The following RAPGEF4 variants were observed in gnomAD, a reference collection of about 807,000 sequenced individuals.
RAPGEF4 encodes RAP guanine-nucleotide-exchange factor (GEF) 4.
Under a neutral mutation model 147.9 loss-of-function variants are expected in RAPGEF4, and 66 were observed. The observed-to-expected ratio is 0.45, with a 90% confidence interval of 0.37 to 0.55. The LOEUF (loss-of-function observed/expected upper bound fraction) is 0.55. Among genes scored for constraint, RAPGEF4 ranks in the 20% least tolerant of loss-of-function variants. The pLI is 0.00. For synonymous variants in RAPGEF4, 419 were observed against 442.7 expected (o/e 0.95, Z 0.67); for missense variants, 1,071 against 1,257.3 (o/e 0.85, Z 2.24).
intron 4 of RAPGEF4, among the ~76,000 whole-genome samples, chr2:172,882,510 C>T (rs1025366944): frequency 2.6e-5 from 4 of 152,112 alleles, no homozygotes; most frequent in Admixed American, 6.6e-5. Flanking sequence ...CAAAGAAGTT[C>T]AAAATGCACT....
At chr2:172,925,367 G>A (rs1685182359) in intron 6 of RAPGEF4, among the ~76,000 whole-genome samples, 1 of 152,098 alleles carries the variant, frequency 6.6e-6, no homozygotes, top group East Asian at 1.9e-4. Context: ...TCAGACTCAG[G>A]CTTACCTTGC....
intron 4 of RAPGEF4, among the ~76,000 whole-genome samples, chr2:172,879,432 G>A (rs1290188495): frequency 1.3e-5 from 2 of 152,068 alleles, no homozygotes; most frequent in African/African-American, 4.8e-5. Context: ...ATACCAAACC[G>A]TTGACAGTGC....
chr2:172,791,608 T>C (rs1685832493), intron 1 of RAPGEF4, among the ~76,000 whole-genome samples: 1 of 152,222 alleles, frequency 6.6e-6, no homozygotes, highest in Non-Finnish European at 1.5e-5. Context: ...TTGCTTTTCA[T>C]TGTTTCTGAG....
chr2:173,020,342 G>A (rs1294180222), intron 22 of RAPGEF4, among the ~76,000 whole-genome samples: 2 of 152,094 alleles, frequency 1.3e-5, no homozygotes, highest in African/African-American at 2.4e-5. Context: ...CGGGTTTTAT[G>A]TGCTCAGTAA....
At chr2:172,866,842 C>T (rs1231069197) in intron 4 of RAPGEF4, among the ~76,000 whole-genome samples, 1 of 151,990 alleles carries the variant, frequency 6.6e-6, no homozygotes, top group Non-Finnish European at 1.5e-5. Flanking sequence ...TTAAAATCTT[C>T]TTACATTCTT....
At chr2:172,878,246 A>C (rs1696188388) in intron 4 of RAPGEF4, among the ~76,000 whole-genome samples, 1 of 151,996 alleles carries the variant, frequency 6.6e-6, no homozygotes, top group African/African-American at 2.4e-5. Flanking sequence ...CACATTTTCT[A>C]TTGACAAGGT....
At chr2:172,917,478 G>A (rs776952750) in intron 4 of RAPGEF4, 6 of 610,994 alleles carry the variant, frequency 9.8e-6, no homozygotes, top group East Asian at 7.4e-5. Context: ...TCTACAAAAA[G>A]CTGAGCTTGT....
At position 172,831,266 on chromosome 2, in the gene RAPGEF4, C is replaced by CTTTTTTTTT. The variant is rs71018521; in HGVS notation, c.444+16852_444+16860dup. Among the ~76,000 whole-genome samples, 46 of 53,874 alleles carry CTTTTTTTTT rather than the reference C, an allele frequency of 8.5e-4. 2 individuals are homozygous for CTTTTTTTTT. The highest frequency in any genetic ancestry group is 1.4e-3 in the Non-Finnish European group (38 of 28,084). The allele number at this position is 53,874 out of a possible 152,430, so 35.3% of individuals were successfully genotyped here. On this transcript the variant is annotated intron_variant, in intron 4 of 30. Coordinates refer to ENST00000397081, the MANE Select transcript of RAPGEF4 (RefSeq NM_007023.4). The stretch of plus-strand genomic sequence containing the variant: ...AAATGTGACTGTTTCAGATAGAAAA[C>CTTTTTTTTT]TTTTTTTTTTTTTTTTTTTGAGACA...
intron 4 of RAPGEF4, among the ~76,000 whole-genome samples, chr2:172,845,144 G>C (rs1342706550): frequency 6.6e-6 from 1 of 152,210 alleles, no homozygotes; most frequent in Non-Finnish European, 1.5e-5. Flanking sequence ...TTTGCAATAG[G>C]GATCATGTGG....
chr2:172,777,892 AT>A (rs1574803110), intron 1 of RAPGEF4, among the ~76,000 whole-genome samples: 1 of 152,160 alleles, frequency 6.6e-6, no homozygotes, highest in East Asian at 1.9e-4. Flanking sequence ...CAATTTTATA[AT>A]TGTTTTCTGT....
At chr2:172,984,923 A>G (rs1375685804) in intron 11 of RAPGEF4, among the ~76,000 whole-genome samples, 3 of 152,086 alleles carry the variant, frequency 2.0e-5, no homozygotes, top group Non-Finnish European at 2.9e-5. Flanking sequence ...ATTTTTTTTT[A>G]AATGTGAATT....
chr2:172,923,806 A>AT (rs1279766013), intron 6 of RAPGEF4, among the ~76,000 whole-genome samples: 1 of 152,194 alleles, frequency 6.6e-6, no homozygotes, highest in African/African-American at 2.4e-5. Context: ...CTCAGTAAAC[A>AT]TTGGGGCTAT....
chr2:172,873,892 T>C (rs1695542807), intron 4 of RAPGEF4, among the ~76,000 whole-genome samples: 1 of 152,166 alleles, frequency 6.6e-6, no homozygotes, highest in African/African-American at 2.4e-5. Flanking sequence ...GCAAAGGATA[T>C]GAACAGGCAC....
At chr2:172,849,887 G>T (rs562881371) in intron 4 of RAPGEF4, among the ~76,000 whole-genome samples, 4 of 152,332 alleles carry the variant, frequency 2.6e-5, no homozygotes, top group Admixed American at 2.0e-4. Context: ...GATTGTCCTT[G>T]GTCCATGTGC....
At chr2:172,990,722 C>A in intron 14 of RAPGEF4, 88 bp from the exon 15 acceptor site, 1 of 854,064 alleles carries the variant, frequency 1.2e-6, no homozygotes, top group Non-Finnish European at 1.9e-6. Flanking sequence ...GCATGACAAG[C>A]ACCAAATGAG....
chr2:173,038,590 G>A (rs1333880381), intron 29 of RAPGEF4, among the ~76,000 whole-genome samples: 1 of 152,142 alleles, frequency 6.6e-6, no homozygotes, highest in Non-Finnish European at 1.5e-5. Flanking sequence ...CCTGTCGGAG[G>A]TTGGGGAGCA....
chr2:172,910,861 G>A (rs182649550), intron 4 of RAPGEF4, among the ~76,000 whole-genome samples: 2 of 152,294 alleles, frequency 1.3e-5, no homozygotes, highest in East Asian at 3.9e-4. Context: ...CATCACATCC[G>A]CTGCATCCTA....
At chr2:172,813,805 A>T (rs2149602467) in intron 3 of RAPGEF4, among the ~76,000 whole-genome samples, 1 of 152,338 alleles carries the variant, frequency 6.6e-6, no homozygotes, top group Middle Eastern at 3.4e-3. Context: ...TCAAAGTAGA[A>T]ACAACCCAAA....
At chr2:173,049,148 A>G (rs565091451) in intron 30 of RAPGEF4, among the ~76,000 whole-genome samples, 1 of 152,360 alleles carries the variant, frequency 6.6e-6, no homozygotes, top group South Asian at 2.1e-4. Flanking sequence ...AGGATTTCAT[A>G]TTATATTTCT....
Sources: gnomAD v4.1 joint callset for allele counts (sites outside exome capture counted in the v4.1 genomes callset) on GRCh38, gnomAD v4.1.1 for gene constraint, MANE v1.5 for transcripts, NCBI Gene and HGNC (gene_info 2026-07-23, HGNC 2026-07-21) for gene names.